Variants in ITGB5 observed in about 807,000 individuals in gnomAD.
ITGB5 encodes the protein integrin beta-5.
In ITGB5, 38 loss-of-function variants were observed where a neutral mutation model predicts 84.8. The observed-to-expected ratio is 0.45, with a 90% confidence interval of 0.35 to 0.59. The LOEUF (loss-of-function observed/expected upper bound fraction) is 0.59. Ranked by LOEUF, ITGB5 falls within the 20% of genes least tolerant of loss-of-function variation. The probability of loss-of-function intolerance (pLI) is 0.01; values close to 1 mark genes in which losing one functional copy is unlikely to be tolerated. For synonymous variants in ITGB5, 393 were observed against 414.4 expected (o/e 0.95, Z 0.63); for missense variants, 905 against 1,034.5 (o/e 0.87, Z 1.72).
At chr3:124,864,028 G>A (rs1353148305) in intron 2 of ITGB5, among the ~76,000 whole-genome samples, 1 of 91,220 alleles carries the variant, frequency 1.1e-5, no homozygotes, top group African/African-American at 3.7e-5. Flanking sequence ...AAAGAAGAAA[G>A]AAAGAAAGAA....
intron 9 of ITGB5, among the ~76,000 whole-genome samples, chr3:124,801,061 A>G (rs978038884): frequency 2.6e-5 from 4 of 152,346 alleles, no homozygotes; most frequent in Non-Finnish European, 4.4e-5. Context: ...TATCCTATGC[A>G]GATGCCAAGT....
intron 2 of ITGB5, among the ~76,000 whole-genome samples, chr3:124,872,153 T>G (rs574771455): frequency 5.9e-5 from 9 of 152,360 alleles, no homozygotes; most frequent in Admixed American, 5.2e-4. Context: ...AAGGTTTATA[T>G]GTTGGGAAGA....
At chr3:124,838,625 A>T (rs1361998293) in intron 5 of ITGB5, among the ~76,000 whole-genome samples, 1 of 151,832 alleles carries the variant, frequency 6.6e-6, no homozygotes, top group Non-Finnish European at 1.5e-5. Flanking sequence ...TTTTTGAGAC[A>T]GAGTCTTGCT....
rs1168392928 is a variant in ITGB5, at chr3:124,865,476, T to TTTTTC, written c.157-6035_157-6031dup. ...GAAAGTTGAAGTGTCCTTTGCGGCT[T>TTTTTC]TTTTCTTTTTTTTTTTTTTTTTTTT... On this transcript the variant is annotated intron_variant, in intron 2 of 14. Coordinates refer to ENST00000296181, the MANE Select transcript of ITGB5 (RefSeq NM_002213.5). 1.3e-3 allele frequency among the ~76,000 whole-genome samples: 113 copies of TTTTTC among 84,170 alleles called. 3 individuals carry two copies. The highest frequency in any genetic ancestry group is 4.7e-3 in the African/African-American group (104 of 22,094). 55.2% of individuals were successfully genotyped at this position (84,170 alleles called of 152,430 possible). A position where few individuals can be genotyped will look rare whatever the true frequency, so the allele number is the denominator to read the frequency against.
chr3:124,883,449 T>C (rs1241646420), intron 1 of ITGB5, among the ~76,000 whole-genome samples: 2 of 152,186 alleles, frequency 1.3e-5, no homozygotes, highest in Non-Finnish European at 2.9e-5. Flanking sequence ...ATCCATAGGA[T>C]AAACAGCAGT....
upstream of ITGB5, chr3:124,887,812 T>C: frequency 6.1e-6 from 2 of 328,378 alleles, no homozygotes. Context: ...CGGCCTGAGA[T>C]GGGACGTAGA....
intron 9 of ITGB5, among the ~76,000 whole-genome samples, chr3:124,802,153 C>T (rs1263482102): frequency 6.6e-6 from 1 of 152,238 alleles, no homozygotes; most frequent in Non-Finnish European, 1.5e-5. Context: ...GTTATTTCCT[C>T]CACCAGACTC....
At chr3:124,827,809 C>T (rs1332940978) in intron 5 of ITGB5, among the ~76,000 whole-genome samples, 1 of 152,156 alleles carries the variant, frequency 6.6e-6, no homozygotes, top group African/African-American at 2.4e-5. Flanking sequence ...TGAAAATGGC[C>T]GGTCCCTGCC....
At position 124,825,089 on chromosome 3, in the gene ITGB5, C is replaced by T. The variant is rs375484297; in HGVS notation, c.781-3615G>A. ...GTGGGTGCCTGTAATCCCAGCTACT[C>T]GGGAGGCTAAGGCAGGAGAATGGCG... On this transcript the variant is annotated intron_variant, in intron 5 of 14. Transcript: ENST00000296181. 6.6e-3 allele frequency among the ~76,000 whole-genome samples: 1,005 copies of T among 151,352 alleles called. 18 individuals carry two copies. The highest frequency in any genetic ancestry group is 0.035 in the South Asian group (166 of 4,780).
chr3:124,883,938 C>A (rs866083969), intron 1 of ITGB5, among the ~76,000 whole-genome samples: 2 of 152,072 alleles, frequency 1.3e-5, no homozygotes, highest in African/African-American at 2.4e-5. Flanking sequence ...TGTCAGCCGG[C>A]CAGGGACTTG....
intron 9 of ITGB5, among the ~76,000 whole-genome samples, chr3:124,805,561 C>G (rs1432661551): frequency 6.6e-6 from 1 of 152,128 alleles, no homozygotes; most frequent in African/African-American, 2.4e-5. Flanking sequence ...AAGCCATCCT[C>G]TGGCCTCAGC....
Position 124,821,450 on chromosome 3 carries a change from C to T in ITGB5, c.805G>A (p.Ala269Thr). ...GTTGTGAACACCAGCAAATGCAGTG[C>T]ATCCTTTCGCCAGCCAATCTTCTCC... ...CKEKIGWRKD[A>T]LHLLVFTTDD... Residue 269 changes from alanine to threonine, a missense_variant, in exon 6 of 15, where the codon GCA becomes ACA. By Grantham distance (58) the Ala-to-Thr change is moderately conservative. This residue lies in a region of ITGB5 where 656 missense variants were observed against 734.7 expected (regional missense o/e 0.89). Transcript: ENST00000296181. 6.2e-7 allele frequency: 1 copy of T among 1,614,220 alleles called. No individual in the cohort carries two copies. Among genetic ancestry groups the T allele is most frequent in the Non-Finnish European group, 8.5e-7 (1 of 1,180,022 alleles).
chr3:124,801,282 G>A (rs1231872698), intron 9 of ITGB5, among the ~76,000 whole-genome samples: 1 of 152,214 alleles, frequency 6.6e-6, no homozygotes, highest in Non-Finnish European at 1.5e-5. Flanking sequence ...CCGATGGTTG[G>A]TGTAGGATAA....
intron 1 of ITGB5, among the ~76,000 whole-genome samples, chr3:124,874,397 A>C (rs538642947): frequency 1.4e-4 from 22 of 152,122 alleles, no homozygotes; most frequent in Non-Finnish European, 3.1e-4. Context: ...GTTTGGAAGA[A>C]TTAATATTGT....
At chr3:124,898,657 A>G (rs1361532769) in intron 1 of ITGB5, among the ~76,000 whole-genome samples, 1 of 148,470 alleles carries the variant, frequency 6.7e-6, no homozygotes, top group Admixed American at 6.7e-5. Context: ...AAAAAAAAAA[A>G]AAAAAAAAAA....
At chr3:124,778,486 G>A (rs1392444488) in intron 10 of ITGB5, among the ~76,000 whole-genome samples, 2 of 152,172 alleles carry the variant, frequency 1.3e-5, no homozygotes, top group Non-Finnish European at 2.9e-5. Context: ...GTGAGAGGAA[G>A]CCCCAGCATC....
chr3:124,796,884 C>T, intron 9 of ITGB5, 67 bp from the exon 10 acceptor site: 2 of 1,486,622 alleles, frequency 1.3e-6, no homozygotes, highest in Non-Finnish European at 1.8e-6. Flanking sequence ...CACCCAGGGG[C>T]AGGGCCCTTG....
At chr3:124,773,595 A>AGGAGTGG in intron 11 of ITGB5, 95 bp downstream of exon 11, 1 of 1,067,168 alleles carries the variant, frequency 9.4e-7, no homozygotes, top group Middle Eastern at 3.1e-4. Context: ...GCAGGAGGTG[A>AGGAGTGG]GGAGTGGAGG....
rs192071073 is a variant in ITGB5 at position 124,864,649 on chromosome 3, G to A, written c.157-5203C>T. Reference sequence around the variant, plus strand: ...ACTGGGACAGGAGAGTTTATGGGTCGAAAAACTACTTAATGGGTACTACGC... The same window carrying A: ...ACTGGGACAGGAGAGTTTATGGGTCAAAAAACTACTTAATGGGTACTACGC... On this transcript the variant is annotated intron_variant, in intron 2 of 14. Coordinates refer to ENST00000296181, the MANE Select transcript of ITGB5 (RefSeq NM_002213.5). Among the ~76,000 whole-genome samples, 520 of 151,772 alleles carry A rather than the reference G, an allele frequency of 3.4e-3. 6 individuals are homozygous for A. The highest frequency in any genetic ancestry group is 0.011 in the African/African-American group (458 of 41,364).
Sources: allele counts gnomAD v4.1 joint callset (sites outside exome capture counted in the v4.1 genomes callset), GRCh38; gene constraint gnomAD v4.1.1; regional missense constraint gnomAD v4.1.1; transcripts MANE v1.5; gene names NCBI Gene and HGNC (gene_info 2026-07-23, HGNC 2026-07-21).